The following MAP3K13 variants were observed in gnomAD, a reference collection of about 807,000 sequenced individuals.
MAP3K13 encodes mitogen-activated protein kinase kinase kinase 13, also known as leucine zipper-bearing kinase.
A neutral mutation model predicts 104.0 loss-of-function variants in MAP3K13; 52 were observed. The observed-to-expected ratio is 0.50, with a 90% CI of 0.40 to 0.63. The LOEUF is 0.63. Among genes scored for constraint, MAP3K13 ranks in the 20% least tolerant of loss-of-function variants. The probability of loss-of-function intolerance (pLI) is 0.00; values close to 1 mark genes in which losing one functional copy is unlikely to be tolerated. For missense variants in MAP3K13, 914 were observed against 1,218.5 expected (o/e 0.75, Z 3.72); for synonymous variants, 394 against 442.2 (o/e 0.89, Z 1.37).
At chr3:185,431,270 C>T (rs1055892439) in intron 2 of MAP3K13, among the ~76,000 whole-genome samples, 6 of 152,148 alleles carry the variant, frequency 3.9e-5, no homozygotes, top group African/African-American at 1.4e-4. Flanking sequence ...GAACATTTTC[C>T]ATGTCTTAAG....
Position 185,418,460 on chromosome 3 carries a change from T to C in MAP3K13, c.-85-10037T>C. 1 of 1,610,984 alleles carries C rather than the reference T, an allele frequency of 6.2e-7. No individual in the cohort carries two copies. The highest frequency in any genetic ancestry group is 1.1e-5 in the South Asian group (1 of 90,956). On this transcript the variant is annotated intron_variant, in intron 1 of 13. Transcript: ENST00000265026. This position sits in a 1 kb window ranked among gnomAD's most constrained non-coding sequence, Gnocchi z 4.5. ...ACTCTACGATGCCAACGGCGCCAGG[T>C]TTTGGTTGGTGCAAACCTTCGGCCT...
At chr3:185,320,473 A>G (rs1214749034) in intron 2 of MAP3K13, among the ~76,000 whole-genome samples, 2 of 152,208 alleles carry the variant, frequency 1.3e-5, no homozygotes, top group African/African-American at 4.8e-5. Flanking sequence ...TTTAAACAGT[A>G]GAGATCTCAA....
chr3:185,329,965 C>T (rs1326671804), intron 2 of MAP3K13, among the ~76,000 whole-genome samples: 2 of 144,554 alleles, frequency 1.4e-5, no homozygotes, highest in South Asian at 2.2e-4. Flanking sequence ...CTGCAAGGTC[C>T]GCCTCCCGTG....
In MAP3K13 at chr3:185,450,947, A is replaced by C. The variant is rs1185548928; in HGVS notation, c.1170-340A>C. Among the ~76,000 whole-genome samples, 1 of 152,104 alleles carries C rather than the reference A, an allele frequency of 6.6e-6. No homozygotes were observed. Among genetic ancestry groups the C allele is most frequent in the Non-Finnish European group, 1.5e-5 (1 of 68,012 alleles). On this transcript the variant is annotated intron_variant, in intron 6 of 13. Transcript: ENST00000265026. This position sits in a 1 kb window ranked among gnomAD's most constrained non-coding sequence, Gnocchi z 4.2. ...TACTAAAAATACAAAAAAATTAGCC[A>C]GGTCTGGTGGCGGGTGCCTGTAGTC...
chr3:185,451,418 A>G (rs778886109), intron 7 of MAP3K13, 23 bp downstream of exon 7: 4 of 1,500,628 alleles, frequency 2.7e-6, no homozygotes, highest in Non-Finnish European at 1.9e-6. Context: ...ACTTCCTACC[A>G]GGTGCTACTA....
At chr3:185,441,329 C>T (rs892247089) in intron 3 of MAP3K13, among the ~76,000 whole-genome samples, 14 of 152,106 alleles carry the variant, frequency 9.2e-5, no homozygotes, top group African/African-American at 3.4e-4. Context: ...TATTTGAAGG[C>T]TTTTTTAGTC....
At chr3:185,372,794 C>T (rs1724222043) in intron 1 of MAP3K13, among the ~76,000 whole-genome samples, 1 of 152,068 alleles carries the variant, frequency 6.6e-6, no homozygotes, top group South Asian at 2.1e-4. Context: ...AGACTTTGAC[C>T]ATATCTGAAA....
intron 1 of MAP3K13, among the ~76,000 whole-genome samples, chr3:185,399,211 A>G (rs1458999022): frequency 6.6e-6 from 1 of 152,104 alleles, no homozygotes; most frequent in Non-Finnish European, 1.5e-5. Context: ...AAAAAGAAAC[A>G]AAGGAAAGTG....
intron 1 of MAP3K13, among the ~76,000 whole-genome samples, chr3:185,381,940 G>A (rs957988829): frequency 1.3e-5 from 2 of 152,200 alleles, no homozygotes; most frequent in Admixed American, 6.5e-5. Flanking sequence ...TGCTCACTGA[G>A]GCTTTATAGA....
At chr3:185,323,952 A>G (rs1238824765) in intron 2 of MAP3K13, among the ~76,000 whole-genome samples, 1 of 152,124 alleles carries the variant, frequency 6.6e-6, no homozygotes, top group Non-Finnish European at 1.5e-5. Flanking sequence ...ACGTCATTGT[A>G]CTTTTAATTT....
In MAP3K13 at chr3:185,423,917, G is replaced by A. The variant is rs59797745; in HGVS notation, c.-85-4580G>A. On this transcript the variant is annotated intron_variant, in intron 1 of 13. Coordinates refer to ENST00000265026, the MANE Select transcript of MAP3K13 (RefSeq NM_004721.5). The surrounding 1 kb of genome is among the most constrained non-coding windows in gnomAD (Gnocchi z 4.1). ...TCTTGTTCGCCCCTGATTTCCTTCC[G>A]TCTGTCACACGCCTTACCTTTAAAG... Among the ~76,000 whole-genome samples the A allele has an allele frequency of 7.4e-3, 1,122 of 152,164 alleles. 24 individuals carry two copies. Among genetic ancestry groups the A allele is most frequent in the African/African-American group, 0.025 (1,055 of 41,496 alleles).
rs138566091 is a variant in MAP3K13, at chr3:185,315,283, C to T, written c.-86+29640C>T. On this transcript the variant is annotated intron_variant, in intron 2 of 14. Transcript: ENST00000424227. This position sits in a 1 kb window ranked among gnomAD's most constrained non-coding sequence, Gnocchi z 4.3. ...AAAAAAAAACTATAAATATATTACA[C>T]ATAGAACAATGGTCCTCAAACTTTA... 2.1e-3 allele frequency among the ~76,000 whole-genome samples: 317 copies of T among 152,162 alleles called. 2 individuals are homozygous for T. Among genetic ancestry groups the T allele is most frequent in the African/African-American group, 7.0e-3 (290 of 41,532 alleles).
At chr3:185,307,546 C>CCCCCCCCCCCA (rs58408265) in intron 2 of MAP3K13, among the ~76,000 whole-genome samples, 6 of 103,976 alleles carry the variant, frequency 5.8e-5, no homozygotes, top group South Asian at 3.9e-4. Flanking sequence ...GCACCACCCC[C>CCCCCCCCCCCA]TCCCCCGCCA....
At position 185,423,812 on chromosome 3, in the gene MAP3K13, C is replaced by T. The variant is rs564818153; in HGVS notation, c.-85-4685C>T. On this transcript the variant is annotated intron_variant, in intron 1 of 13. Transcript: ENST00000265026. This position sits in a 1 kb window ranked among gnomAD's most constrained non-coding sequence, Gnocchi z 4.1. Reference sequence around the variant, plus strand: ...ACCCTTGCTGCACACTGCTCCCCCACATTAGCCACTGCTGTTTCTGGGTCA... The same window carrying T: ...ACCCTTGCTGCACACTGCTCCCCCATATTAGCCACTGCTGTTTCTGGGTCA... Among the ~76,000 whole-genome samples, 5 of 152,344 alleles carry T rather than the reference C, an allele frequency of 3.3e-5. No homozygotes were observed. The highest frequency in any genetic ancestry group is 6.5e-5 in the Admixed American group (1 of 15,306).
chr3:185,455,151 G>GAT (rs1192894888), intron 7 of MAP3K13, among the ~76,000 whole-genome samples: 9 of 49,564 alleles, frequency 1.8e-4, no homozygotes, highest in Admixed American at 9.3e-4. Flanking sequence ...ATATATGTGA[G>GAT]ATATATATGA....
In MAP3K13 at chr3:185,444,562, G is replaced by A. The variant is rs78804045; in HGVS notation, c.851+926G>A. 0.014 allele frequency among the ~76,000 whole-genome samples: 2,102 copies of A among 152,214 alleles called. 204 individuals are homozygous for A. The East Asian group carries it at 0.25, about 18-fold the overall frequency. ...GGAAAAATAAACACTGGCTATGTAA[G>A]AGAAGCAGGGCTATTTCTAGTAATC... On this transcript the variant is annotated intron_variant, in intron 4 of 13. Transcript: ENST00000265026.
chr3:185,434,910 C>T (rs1468901465), intron 2 of MAP3K13, among the ~76,000 whole-genome samples: 1 of 152,110 alleles, frequency 6.6e-6, no homozygotes, highest in Admixed American at 6.6e-5. Context: ...TATGTTCTTG[C>T]CCCAGAGTCC....
intron 2 of MAP3K13, among the ~76,000 whole-genome samples, chr3:185,307,101 T>A (rs1721312887): frequency 6.6e-6 from 1 of 152,216 alleles, no homozygotes; most frequent in African/African-American, 2.4e-5. Flanking sequence ...TTTCTCTTGC[T>A]GCTTTCAAGA....
chr3:185,457,146 C>A (rs1400968323), intron 7 of MAP3K13, among the ~76,000 whole-genome samples: 1 of 152,130 alleles, frequency 6.6e-6, no homozygotes, highest in African/African-American at 2.4e-5. Context: ...CAGTCGGGTT[C>A]CTCACCTGAA....
Sources: allele counts gnomAD v4.1 joint callset (sites outside exome capture counted in the v4.1 genomes callset), GRCh38; gene constraint gnomAD v4.1.1; non-coding constraint Gnocchi (gnomAD v3.1); transcripts MANE v1.5; gene names NCBI Gene and HGNC (gene_info 2026-07-23, HGNC 2026-07-21).